Variants in SGCZ observed in about 807,000 individuals in gnomAD.
The protein encoded by SGCZ is sarcoglycan zeta.
SGCZ carries 40 observed loss-of-function variants against 41.3 expected under a neutral mutation model. The observed-to-expected ratio is 0.97, with a 90% CI of 0.75 to 1.26. The LOEUF (loss-of-function observed/expected upper bound fraction) is 1.26. Ranked by LOEUF, SGCZ falls within the 50% of genes most tolerant of loss-of-function variation. SGCZ has a pLI of 0.00. For missense variants in SGCZ, 552 were observed against 369.8 expected (o/e 1.49, Z -4.04); for synonymous variants, 206 against 137.5 (o/e 1.50, Z -3.49).
At chr8:14,182,295 C>G (rs772347907) in intron 4 of SGCZ, among the ~76,000 whole-genome samples, 1 of 152,090 alleles carries the variant, frequency 6.6e-6, no homozygotes, top group Non-Finnish European at 1.5e-5. Context: ...GCCATGATGC[C>G]CAGCCGAGCA....
intron 2 of SGCZ, among the ~76,000 whole-genome samples, chr8:14,454,893 C>T (rs1800698779): frequency 6.6e-6 from 1 of 152,052 alleles, no homozygotes; most frequent in East Asian, 1.9e-4. Context: ...ATGGATTAGG[C>T]ATATACATGT....
At chr8:14,175,261 A>G (rs1206539354) in intron 4 of SGCZ, among the ~76,000 whole-genome samples, 3 of 152,170 alleles carry the variant, frequency 2.0e-5, no homozygotes, top group African/African-American at 4.8e-5. Flanking sequence ...ACGAATCATG[A>G]ACAAATTTAT....
At chr8:14,376,172 A>G (rs144578129) in intron 2 of SGCZ, among the ~76,000 whole-genome samples, 11,591 of 152,066 alleles carry the variant, frequency 0.076, 1,361 homozygotes, top group African/African-American at 0.25. Context: ...TTAGCCGGGC[A>G]TGGTGGCGGC....
chr8:14,131,714 A>G (rs1461004618), intron 5 of SGCZ, among the ~76,000 whole-genome samples: 4 of 152,222 alleles, frequency 2.6e-5, no homozygotes, highest in African/African-American at 9.6e-5. Flanking sequence ...TTCTTCAAAT[A>G]AGCCATGAAA....
chr8:15,157,116 A>T (rs547220037), intron 1 of SGCZ, among the ~76,000 whole-genome samples: 34 of 152,198 alleles, frequency 2.2e-4, no homozygotes, highest in African/African-American at 3.6e-4. Flanking sequence ...GCCTAAAATG[A>T]TGCAGAGGCA....
chr8:14,213,868 G>A lies in SGCZ; in HGVS notation c.424+23724C>T, dbSNP rs143606995. ...AAAAGTTATGTCAGTTGTGAAAAAC[G>A]TAATATATGTACATACTAGTTTTAT... On this transcript the variant is annotated intron_variant, in intron 4 of 7. Transcript: ENST00000382080. Among the ~76,000 whole-genome samples the A allele has an allele frequency of 4.4e-3, 668 of 152,162 alleles. 4 individuals carry two copies. Among genetic ancestry groups the A allele is most frequent in the Non-Finnish European group, 6.2e-3 (422 of 67,958 alleles).
intron 2 of SGCZ, among the ~76,000 whole-genome samples, chr8:14,520,969 A>G (rs1308859431): frequency 6.6e-6 from 1 of 152,188 alleles, no homozygotes; most frequent in Admixed American, 6.6e-5. Context: ...AGAAGATAGC[A>G]GTATATAATT....
chr8:14,218,713 C>A (rs186338049), intron 4 of SGCZ, among the ~76,000 whole-genome samples: 7 of 152,114 alleles, frequency 4.6e-5, no homozygotes, highest in Non-Finnish European at 2.9e-5. Flanking sequence ...GAGCAAACTC[C>A]GGCCATTTTC....
intron 1 of SGCZ, among the ~76,000 whole-genome samples, chr8:14,694,178 G>A (rs568509891): frequency 2.6e-5 from 4 of 152,224 alleles, no homozygotes; most frequent in African/African-American, 7.2e-5. Flanking sequence ...CACTCTCAGG[G>A]CAAAGGCAAC....
chr8:14,677,147 C>A (rs1808303590), intron 1 of SGCZ, among the ~76,000 whole-genome samples: 2 of 151,470 alleles, frequency 1.3e-5, no homozygotes, highest in Non-Finnish European at 2.9e-5. Flanking sequence ...ATACAAAAGT[C>A]AAAAACTTAT....
intron 1 of SGCZ, among the ~76,000 whole-genome samples, chr8:14,969,718 G>A (rs959563481): frequency 1.3e-5 from 2 of 151,992 alleles, no homozygotes; most frequent in Non-Finnish European, 2.9e-5. Context: ...TATGTTAATT[G>A]TTCACTCTTT....
At chr8:14,149,666 A>AC (rs1301739055) in intron 5 of SGCZ, among the ~76,000 whole-genome samples, 1 of 151,486 alleles carries the variant, frequency 6.6e-6, no homozygotes, top group South Asian at 2.1e-4. Flanking sequence ...GAAAAAAAAA[A>AC]AAAACACAAT....
chr8:15,091,909 T>C (rs914691730), intron 1 of SGCZ, among the ~76,000 whole-genome samples: 20 of 152,048 alleles, frequency 1.3e-4, no homozygotes, highest in Non-Finnish European at 2.9e-4. Flanking sequence ...CACACCATTA[T>C]GCCTAGTTAA....
At chr8:14,927,255 T>G (rs935128268) in intron 1 of SGCZ, among the ~76,000 whole-genome samples, 1 of 151,776 alleles carries the variant, frequency 6.6e-6, no homozygotes, top group Non-Finnish European at 1.5e-5. Flanking sequence ...ACTACAGGCG[T>G]CCGCCACCAC....
rs150494832 is a variant in SGCZ, at chr8:14,934,363, T to C, written c.39+303222A>G. ...TAAAAGTATTCATGAGGTTCCAGGA[T>C]TGAAAGTATAAATAAGGAAAGGGAG... is the stretch of plus-strand genomic sequence containing the variant. On this transcript the variant is annotated intron_variant, in intron 1 of 7. Coordinates refer to ENST00000382080, the MANE Select transcript of SGCZ (RefSeq NM_139167.4). Among the ~76,000 whole-genome samples the C allele has an allele frequency of 1.7e-4, 26 of 151,944 alleles. 1 individual carries two copies. In the East Asian group the frequency reaches 4.8e-3, roughly 28 times the overall value.
intron 1 of SGCZ, among the ~76,000 whole-genome samples, chr8:14,691,221 GT>G (rs1808788713): frequency 6.6e-6 from 1 of 152,090 alleles, no homozygotes; most frequent in South Asian, 2.1e-4. Context: ...TCACTATTTG[GT>G]GAATGAAAGA....
At chr8:15,038,802 A>C (rs1282679788) in intron 1 of SGCZ, among the ~76,000 whole-genome samples, 1 of 142,898 alleles carries the variant, frequency 7.0e-6, no homozygotes, top group Non-Finnish European at 1.5e-5. Flanking sequence ...AAGGACCTGA[A>C]CTGACATTTC....
At chr8:14,157,639 A>C (rs796119872) in intron 5 of SGCZ, among the ~76,000 whole-genome samples, 16 of 152,184 alleles carry the variant, frequency 1.1e-4, no homozygotes, top group African/African-American at 3.9e-4. Flanking sequence ...AGAATGTTGA[A>C]AGTACAGGAA....
intron 2 of SGCZ, among the ~76,000 whole-genome samples, chr8:14,412,461 A>G (rs1303717303): frequency 6.6e-6 from 1 of 152,124 alleles, no homozygotes; most frequent in African/African-American, 2.4e-5. Flanking sequence ...ATTCAAATGA[A>G]TTGCATTTCC....
Sources: gnomAD v4.1 joint callset for allele counts (sites outside exome capture counted in the v4.1 genomes callset) on GRCh38, gnomAD v4.1.1 for gene constraint, MANE v1.5 for transcripts, NCBI Gene and HGNC (gene_info 2026-07-23, HGNC 2026-07-21) for gene names.